The following CACNA1A variants were observed in gnomAD, a reference collection of about 807,000 sequenced individuals.
CACNA1A encodes the protein calcium voltage-gated channel subunit alpha1 A, also known as voltage-dependent P/Q-type calcium channel subunit alpha-1A.
A neutral mutation model predicts 262.4 loss-of-function variants in CACNA1A; 57 were observed. That is an observed-to-expected ratio of 0.22 (90% CI 0.18 to 0.27). The LOEUF is 0.27. Among genes scored for constraint, CACNA1A ranks in the 10% least tolerant of loss-of-function variants. CACNA1A has a pLI of 1.00. For missense variants in CACNA1A, 2,526 were observed against 3,562.8 expected (o/e 0.71, Z 7.41); for synonymous variants, 1,431 against 1,419.3 (o/e 1.01, Z -0.18).
At chr19:13,324,687 GC>G (rs1304705771) in intron 10 of CACNA1A, among the ~76,000 whole-genome samples, 11 of 151,266 alleles carry the variant, frequency 7.3e-5, no homozygotes, top group Middle Eastern at 6.8e-3. Context: ...GGGCAACATA[GC>G]CAGACCCCAT....
chr19:13,452,826 C>T (rs754204954), intron 3 of CACNA1A, 50 bp downstream of exon 3: 14 of 1,570,574 alleles, frequency 8.9e-6, no homozygotes, highest in Non-Finnish European at 1.0e-5. Flanking sequence ...CCAAAAGCCT[C>T]GTAATCCTTC....
At chr19:13,210,393 T>TA (rs1486756439) in intron 44 of CACNA1A, among the ~76,000 whole-genome samples, 1 of 147,818 alleles carries the variant, frequency 6.8e-6, no homozygotes, top group Non-Finnish European at 1.5e-5. Flanking sequence ...GAAAAGGGGG[T>TA]AGGGGTGAGG....
chr19:13,228,840 C>G, intron 36 of CACNA1A: 1 of 1,150,728 alleles, frequency 8.7e-7, no homozygotes, highest in Non-Finnish European at 1.3e-6. Context: ...TGGGTTCACA[C>G]GGGCTCCCTG....
At chr19:13,246,056 G>A (rs1237464792) in intron 30 of CACNA1A, among the ~76,000 whole-genome samples, 1 of 152,156 alleles carries the variant, frequency 6.6e-6, no homozygotes, top group Non-Finnish European at 1.5e-5. Context: ...TTGAACCCAG[G>A]CCTCAGAGAG....
Position 13,371,727 on chromosome 19 carries a change from G to A in CACNA1A, c.592C>T (p.Arg198Ter), listed in dbSNP as rs886042230. 1 of 1,581,460 alleles carries A rather than the reference G, an allele frequency of 6.3e-7. No individual in the cohort carries two copies. The highest frequency in any genetic ancestry group is 8.6e-7 in the Non-Finnish European group (1 of 1,163,986). ...EFDLRTLRAV[R>*]VLRPLKLVSG... Reference sequence around the variant, plus strand: ...ACCAGCTTGAGCGGCCGCAGCACTCGAACTGCCCTCAGCGTCCGTAGGTCA... The same window carrying A: ...ACCAGCTTGAGCGGCCGCAGCACTCAAACTGCCCTCAGCGTCCGTAGGTCA... The change falls in exon 4 of 47, where the codon CGA (arginine) becomes TGA (stop). Residue 198 changes from arginine to a stop codon, truncating the protein, a stop_gained. Coordinates refer to ENST00000360228, the MANE Select transcript of CACNA1A (RefSeq NM_001127222.2). LOFTEE classifies it high-confidence loss of function.
chr19:13,395,620 GA>G (rs149394654), intron 3 of CACNA1A, among the ~76,000 whole-genome samples: 175 of 121,658 alleles, frequency 1.4e-3, no homozygotes, highest in Middle Eastern at 4.0e-3. Context: ...TCAAAAAAAA[GA>G]AAAAAAAAAA....
Position 13,224,771 on chromosome 19 carries a change from C to A in CACNA1A, c.5627G>T (p.Arg1876Leu). The change falls in exon 38 of 47, where the codon CGG (arginine) becomes CTG (leucine). Residue 1876 changes from arginine to leucine, a missense_variant and splice_region_variant. By Grantham distance (102) the Arg-to-Leu change is moderately radical. Around this residue, in one of 17 missense-constraint regions of CACNA1A, gnomAD observed 112 missense variants for 197.2 expected, o/e 0.57. Coordinates refer to ENST00000360228, the MANE Select transcript of CACNA1A (RefSeq NM_001127222.2). ...KKCPARVAYK[R>L]LLRMDLPVAD... ...GACGGGCAGGTCCATCCGCAGAAGC[C>A]GCTACAGAAAACCCAAGGCAAGCGC... The A allele has an allele frequency of 6.2e-7, 1 of 1,604,458 alleles. No individual in the cohort carries two copies. The highest frequency in any genetic ancestry group is 8.5e-7 in the Non-Finnish European group (1 of 1,175,692).
At chr19:13,408,810 C>A (rs1196912406) in intron 3 of CACNA1A, among the ~76,000 whole-genome samples, 1 of 152,172 alleles carries the variant, frequency 6.6e-6, no homozygotes, top group East Asian at 1.9e-4. Flanking sequence ...GGACTGTGTA[C>A]TGAAGGAACA....
intron 43 of CACNA1A, chr19:13,210,885 C>A: frequency 5.1e-6 from 3 of 588,562 alleles, no homozygotes; most frequent in Non-Finnish European, 9.1e-6. Flanking sequence ...CCCATGGGTA[C>A]AGAGGAGACA....
intron 1 of CACNA1A, among the ~76,000 whole-genome samples, chr19:13,474,990 T>G (rs6511867): frequency 0.17 from 25,698 of 152,090 alleles, 3,845 homozygotes; most frequent in African/African-American, 0.38. Context: ...GTCAAACACT[T>G]CTCACATTTT....
At chr19:13,453,966 T>C (rs2060960800) in intron 2 of CACNA1A, among the ~76,000 whole-genome samples, 1 of 152,004 alleles carries the variant, frequency 6.6e-6, no homozygotes, top group African/African-American at 2.4e-5. Flanking sequence ...ACTGTGACAT[T>C]GTGAAATGTA....
intron 6 of CACNA1A, among the ~76,000 whole-genome samples, chr19:13,349,497 G>C (rs1050780484): frequency 6.6e-6 from 1 of 152,200 alleles, no homozygotes; most frequent in African/African-American, 2.4e-5. Flanking sequence ...GGGGCACATA[G>C]GGTGAGGGGG....
At chr19:13,261,017 T>G (rs1011588973) in intron 26 of CACNA1A, 5 of 156,554 alleles carry the variant, frequency 3.2e-5, no homozygotes, top group African/African-American at 1.2e-4. Flanking sequence ...TACTTGTTAT[T>G]TACCCCATTT....
intron 19 of CACNA1A, among the ~76,000 whole-genome samples, chr19:13,293,601 C>T (rs77866655): frequency 0.13 from 18,768 of 148,360 alleles, 1,642 homozygotes; most frequent in East Asian, 0.35. Flanking sequence ...CGTGCACCAC[C>T]TACGCCCGGC....
intron 11 of CACNA1A, chr19:13,316,899 C>T: frequency 2.3e-6 from 1 of 435,718 alleles, no homozygotes; most frequent in Non-Finnish European, 4.1e-6. Context: ...GGTCTGAATT[C>T]CAGCTTCCAG....
chr19:13,210,160 C>T (rs558503106), intron 44 of CACNA1A, among the ~76,000 whole-genome samples: 7 of 152,314 alleles, frequency 4.6e-5, no homozygotes, highest in African/African-American at 1.7e-4. Flanking sequence ...CAAGCCCTGA[C>T]ACACAGGTTT....
At chr19:13,319,529 C>T (rs139773752) in intron 10 of CACNA1A, among the ~76,000 whole-genome samples, 1 of 152,268 alleles carries the variant, frequency 6.6e-6, no homozygotes, top group East Asian at 1.9e-4. Context: ...AACCACCCCA[C>T]TTGCCAGACA....
At position 13,261,430 on chromosome 19, in the gene CACNA1A, GC is replaced by G. The variant is rs2056732474; in HGVS notation, c.4250+19del. The G allele has an allele frequency of 6.4e-7, 1 of 1,554,424 alleles. No homozygotes were observed. Among genetic ancestry groups the G allele is most frequent in the Non-Finnish European group, 8.7e-7 (1 of 1,147,528 alleles). On this transcript the variant is annotated intron_variant, in intron 26 of 46. Transcript: ENST00000360228. ...CACCTGCTGGTTCCAATGGGAATGT[GC>G]TGGAAAGTGGAGACCCACCGACAAT...
chr19:13,385,008 G>A (rs574208556), intron 3 of CACNA1A, among the ~76,000 whole-genome samples: 6 of 151,994 alleles, frequency 3.9e-5, no homozygotes, highest in South Asian at 2.1e-4. Context: ...GAGCTGCACC[G>A]CCCAATAAAG....
Sources: gnomAD v4.1 joint callset for allele counts (sites outside exome capture counted in the v4.1 genomes callset) on GRCh38, gnomAD v4.1.1 for gene constraint, gnomAD v4.1.1 regional missense constraint, MANE v1.5 for transcripts, NCBI Gene and HGNC (gene_info 2026-07-23, HGNC 2026-07-21) for gene names.